The following MAP3K4 variants were observed in gnomAD, a reference collection of about 807,000 sequenced individuals.
MAP3K4 encodes mitogen-activated protein kinase kinase kinase 4.
A neutral mutation model predicts 185.6 loss-of-function variants in MAP3K4; 67 were observed. The observed-to-expected ratio is 0.36, with a 90% confidence interval of 0.30 to 0.44. The LOEUF (loss-of-function observed/expected upper bound fraction) is 0.44. Among genes scored for constraint, MAP3K4 ranks in the 20% least tolerant of loss-of-function variants. The probability of loss-of-function intolerance (pLI) is 1.00; values close to 1 mark genes in which losing one functional copy is unlikely to be tolerated. For missense variants in MAP3K4, 1,551 were observed against 1,995.1 expected, an observed-to-expected ratio of 0.78 and a Z score of 4.24; for synonymous variants, 702 against 710.4, an observed-to-expected ratio of 0.99 and a Z score of 0.19.
chr6:161,026,458 T>G (rs1782666412), intron 1 of MAP3K4, among the ~76,000 whole-genome samples: 1 of 152,102 alleles, frequency 6.6e-6, no homozygotes, highest in Non-Finnish European at 1.5e-5. Flanking sequence ...TTCTTACAGT[T>G]TTGATTTTCT....
rs1341425728 is a variant in MAP3K4 at position 161,064,812 on chromosome 6, G to A, written c.1708-5796G>A. 2.0e-5 allele frequency among the ~76,000 whole-genome samples: 3 copies of A among 152,184 alleles called. No individual in the cohort carries two copies. The highest frequency in any genetic ancestry group is 7.2e-5 in the African/African-American group (3 of 41,436). On this transcript the variant is annotated intron_variant, in intron 3 of 26. Coordinates refer to ENST00000392142, the MANE Select transcript of MAP3K4 (RefSeq NM_005922.4). This position sits in a 1 kb window ranked among gnomAD's most constrained non-coding sequence, Gnocchi z 4.3. Reference sequence around the variant, plus strand: ...GAAATAAAGATTTTATTACTTGCAGGTTCTGGAGGGTACACGGCACGCCTA... The same window carrying A: ...GAAATAAAGATTTTATTACTTGCAGATTCTGGAGGGTACACGGCACGCCTA...
intron 1 of MAP3K4, among the ~76,000 whole-genome samples, chr6:160,992,742 C>G (rs1413875605): frequency 6.6e-6 from 1 of 152,156 alleles, no homozygotes; most frequent in Admixed American, 6.5e-5. Flanking sequence ...GCAGGAAGCT[C>G]TAAGGTGGAA....
In MAP3K4 at chr6:161,061,794, T is replaced by C. The variant is rs1419384727; in HGVS notation, c.1708-8814T>C. Among the ~76,000 whole-genome samples the C allele has an allele frequency of 1.3e-5, 2 of 152,256 alleles. No individual in the cohort carries two copies. The highest frequency in any genetic ancestry group is 4.1e-4 in the South Asian group (2 of 4,836). ...TGCTGTGGTATGTATTGGCGCTTCA[T>C]TCCTTTTTATGACTGAATAATATTC... On this transcript the variant is annotated intron_variant, in intron 3 of 26. Transcript: ENST00000392142. The surrounding 1 kb of genome is among the most constrained non-coding windows in gnomAD (Gnocchi z 4.2).
chr6:161,081,587 T>G (rs746547131), intron 6 of MAP3K4, among the ~76,000 whole-genome samples: 3 of 151,976 alleles, frequency 2.0e-5, no homozygotes, highest in Non-Finnish European at 4.4e-5. Flanking sequence ...GTATATAGGG[T>G]GAAGGAATAG....
intron 5 of MAP3K4, among the ~76,000 whole-genome samples, chr6:161,079,946 G>A (rs1785368662): frequency 6.6e-6 from 1 of 152,162 alleles, no homozygotes; most frequent in African/African-American, 2.4e-5. Context: ...GATGTAGCCT[G>A]GTGAAAACAC....
Position 161,084,423 on chromosome 6 carries a change from C to A in MAP3K4, c.2256-78C>A. ...CCATTAGAGCAGTAGCTGAGCCTTTCAAGTTTCTCAGTCAAGAATTAGGCT... is the reference window on the plus strand; with the variant it reads ...CCATTAGAGCAGTAGCTGAGCCTTTAAAGTTTCTCAGTCAAGAATTAGGCT... On this transcript the variant is annotated intron_variant, in intron 6 of 26. Transcript: ENST00000392142. The surrounding 1 kb of genome is among the most constrained non-coding windows in gnomAD (Gnocchi z 4.6). The A allele has an allele frequency of 1.3e-6, 1 of 747,706 alleles. No homozygotes were observed. Among genetic ancestry groups the A allele is most frequent in the Non-Finnish European group, 2.4e-6 (1 of 420,914 alleles). The allele number at this position is 747,706 out of a possible 1,614,324, so 46.3% of individuals were successfully genotyped here.
rs1777663060 is a variant in MAP3K4, at chr6:161,098,315, A to G, written c.3562A>G (p.Ser1188Gly). 1 of 1,562,048 alleles carries G rather than the reference A, an allele frequency of 6.4e-7. No homozygotes were observed. The highest frequency in any genetic ancestry group is 1.1e-5 in the South Asian group (1 of 88,602). ...SMPSDARSHGSPAAAAAAAAA... is the reference protein window; with the variant it reads ...SMPSDARSHGGPAAAAAAAAA... ...GCCTTCCGACGCGCGGAGCCATGGCAGCCCTGCTGCTGCTGCTGCTGCTGC... is the reference window on the plus strand; with the variant it reads ...GCCTTCCGACGCGCGGAGCCATGGCGGCCCTGCTGCTGCTGCTGCTGCTGC... The change falls in exon 17 of 27, where the codon AGC becomes GGC. Residue 1188 changes from serine (S) to glycine (G), a missense_variant. Physicochemically the swap from Ser to Gly is moderately conservative, Grantham distance 56. This residue lies in a region of MAP3K4 where 272 missense variants were observed against 301.2 expected (regional missense o/e 0.90). Transcript: ENST00000392142. This position sits in a 1 kb window ranked among gnomAD's most constrained non-coding sequence, Gnocchi z 4.4.
chr6:161,087,331 C>A lies in MAP3K4; in HGVS notation c.2557-357C>A, dbSNP rs1419918662. On this transcript the variant is annotated intron_variant, in intron 9 of 26. Transcript: ENST00000392142. The surrounding 1 kb of genome is among the most constrained non-coding windows in gnomAD (Gnocchi z 4.9). ...CTGTATTAACAATTTTTGCCTTTTT[C>A]CCAAGCCAGGTGACTTTTTGTAAGC... Among the ~76,000 whole-genome samples, 1 of 152,182 alleles carries A rather than the reference C, an allele frequency of 6.6e-6. No homozygotes were observed. Among genetic ancestry groups the A allele is most frequent in the Non-Finnish European group, 1.5e-5 (1 of 68,022 alleles).
intron 1 of MAP3K4, among the ~76,000 whole-genome samples, chr6:161,019,853 C>T (rs967101224): frequency 2.6e-5 from 4 of 151,946 alleles, no homozygotes; most frequent in Non-Finnish European, 5.9e-5. Flanking sequence ...TTTTTTTAAA[C>T]TCAAATTTGT....
rs1247735665 is a variant in MAP3K4, at chr6:161,116,937, CTG to C, written c.*70_*71del. On this transcript the variant is annotated 3_prime_UTR_variant, in exon 27 of 27. Transcript: ENST00000392142. This position sits in a 1 kb window ranked among gnomAD's most constrained non-coding sequence, Gnocchi z 6.2. ...ACTGTATGTAATATTTACATAAAGA[CTG>C]TGCTGAGAAGCAGTATAAGCCTTTT... 6 of 1,450,866 alleles carry C rather than the reference CTG, an allele frequency of 4.1e-6. No individual in the cohort carries two copies. Among genetic ancestry groups the C allele is most frequent in the South Asian group, 2.3e-5 (2 of 87,638 alleles). The allele number at this position is 1,450,866 out of a possible 1,614,324, so 89.9% of individuals were successfully genotyped here.
intron 19 of MAP3K4, 82 bp downstream of exon 19, chr6:161,102,861 C>T (rs1308227740): frequency 1.1e-6 from 1 of 871,230 alleles, no homozygotes; most frequent in East Asian, 2.8e-5. Flanking sequence ...TCAGGTAAAA[C>T]TTGATTTAGC....
In MAP3K4 at chr6:161,046,969, G is replaced by C. The variant is rs575124095; in HGVS notation, c.344-1647G>C. Among the ~76,000 whole-genome samples, 671 of 146,422 alleles carry C rather than the reference G, an allele frequency of 4.6e-3. 6 individuals carry two copies. The highest frequency in any genetic ancestry group is 0.016 in the African/African-American group (639 of 40,322). ...ATTAATATATATAATAAAATTCTTA[G>C]TATATAAGAAATATATACTAAGAGA... is the stretch of plus-strand genomic sequence containing the variant. On this transcript the variant is annotated intron_variant, in intron 2 of 26. Transcript: ENST00000392142.
At chr6:161,030,676 A>G (rs890865274) in intron 1 of MAP3K4, among the ~76,000 whole-genome samples, 2 of 152,264 alleles carry the variant, frequency 1.3e-5, no homozygotes, top group African/African-American at 2.4e-5. Context: ...CAGCCTCCCC[A>G]GGTGCTGGGA....
intron 13 of MAP3K4, among the ~76,000 whole-genome samples, chr6:161,092,642 A>G (rs796146743): frequency 4.8e-5 from 7 of 144,504 alleles, no homozygotes; most frequent in African/African-American, 2.0e-4. Context: ...GAGAAAACAC[A>G]TTTGCTGCAT....
rs1161516487 is a variant in MAP3K4 at position 161,086,680 on chromosome 6, A to C, written c.2556+13A>C. On this transcript the variant is annotated intron_variant, in intron 9 of 26. Transcript: ENST00000392142. The surrounding 1 kb of genome is among the most constrained non-coding windows in gnomAD (Gnocchi z 4.8). ...ACAGTATGTCAAGGTAAGTACTTCAAATGTTGTGATTGAAACATTTTGCCT... is the reference window on the plus strand; with the variant it reads ...ACAGTATGTCAAGGTAAGTACTTCACATGTTGTGATTGAAACATTTTGCCT... The C allele has an allele frequency of 1.3e-6, 2 of 1,599,246 alleles. No individual in the cohort carries two copies. Among genetic ancestry groups the C allele is most frequent in the South Asian group, 1.1e-5 (1 of 87,800 alleles).
chr6:161,033,873 C>G (rs1562494145), intron 1 of MAP3K4, among the ~76,000 whole-genome samples: 1 of 152,188 alleles, frequency 6.6e-6, no homozygotes, highest in Non-Finnish European at 1.5e-5. Context: ...CTGTCAGCAG[C>G]TAGCACATAA....
intron 1 of MAP3K4, among the ~76,000 whole-genome samples, chr6:161,014,574 T>A (rs1465693344): frequency 6.6e-6 from 1 of 152,234 alleles, no homozygotes; most frequent in Non-Finnish European, 1.5e-5. Context: ...TTTTTTTATA[T>A]GAGGATGCTG....
rs1420360346 is a variant in MAP3K4 at position 161,077,664 on chromosome 6, T to C, written c.2098-3217T>C. On this transcript the variant is annotated intron_variant, in intron 5 of 26. Coordinates refer to ENST00000392142, the MANE Select transcript of MAP3K4 (RefSeq NM_005922.4). This position sits in a 1 kb window ranked among gnomAD's most constrained non-coding sequence, Gnocchi z 4.3. ...GGTAACATACATTCAGAAAGAAGTA[T>C]AAGGATTCAAAGGAAACGTAGGCAG... Among the ~76,000 whole-genome samples the C allele has an allele frequency of 6.6e-6, 1 of 152,024 alleles. No individual in the cohort carries two copies. Among genetic ancestry groups the C allele is most frequent in the African/African-American group, 2.4e-5 (1 of 41,364 alleles).
At chr6:161,039,279 C>CAAA (rs3050259) in intron 2 of MAP3K4, among the ~76,000 whole-genome samples, 1,016 of 71,664 alleles carry the variant, frequency 0.014, 26 homozygotes, top group African/African-American at 0.031. Flanking sequence ...CGCAAAAATG[C>CAAA]AAAAAAAAAA....
Sources: gnomAD v4.1 joint callset for allele counts (sites outside exome capture counted in the v4.1 genomes callset) on GRCh38, gnomAD v4.1.1 for gene constraint, gnomAD v4.1.1 regional missense constraint, Gnocchi (gnomAD v3.1) non-coding constraint, MANE v1.5 for transcripts, NCBI Gene and HGNC (gene_info 2026-07-23, HGNC 2026-07-21) for gene names.